The following RBMS2 variants were observed in gnomAD, a reference collection of about 807,000 sequenced individuals.
The protein encoded by RBMS2 is RNA-binding motif, single-stranded-interacting protein 2.
RBMS2 carries 38 observed loss-of-function variants against 58.4 expected under a neutral mutation model. The observed-to-expected ratio is 0.65, with a 90% confidence interval of 0.50 to 0.85. RBMS2 has a LOEUF of 0.85. RBMS2 is among the 40% of genes least tolerant of loss of function. The probability of loss-of-function intolerance (pLI) is 0.00; values close to 1 mark genes in which losing one functional copy is unlikely to be tolerated. For missense variants in RBMS2, 367 were observed against 503.7 expected, an observed-to-expected ratio of 0.73 and a Z score of 2.60; for synonymous variants, 151 against 180.7, an observed-to-expected ratio of 0.84 and a Z score of 1.32.
At chr12:56,566,149 G>T (rs1452288176) in intron 2 of RBMS2, among the ~76,000 whole-genome samples, 1 of 152,110 alleles carries the variant, frequency 6.6e-6, no homozygotes, top group African/African-American at 2.4e-5. Context: ...GCATTGCTTG[G>T]CTTATTCTGT....
chr12:56,531,274 C>T (rs540204911), intron 1 of RBMS2, among the ~76,000 whole-genome samples: 1 of 151,996 alleles, frequency 6.6e-6, no homozygotes, highest in Non-Finnish European at 1.5e-5. Flanking sequence ...CTAGTAGATA[C>T]TCAAAAAATA....
chr12:56,538,759 C>T (rs1052503527), intron 1 of RBMS2, among the ~76,000 whole-genome samples: 7 of 152,176 alleles, frequency 4.6e-5, no homozygotes, highest in Admixed American at 1.3e-4. Flanking sequence ...GGATTACAGG[C>T]GTGAGCCACC....
At chr12:56,575,684 C>T (rs1432471799) in intron 5 of RBMS2, among the ~76,000 whole-genome samples, 2 of 151,980 alleles carry the variant, frequency 1.3e-5, no homozygotes, top group Non-Finnish European at 2.9e-5. Context: ...CACCTGAGGT[C>T]GGGAGTTCGA....
chr12:56,541,719 C>T (rs1876124816), intron 1 of RBMS2, among the ~76,000 whole-genome samples: 1 of 152,184 alleles, frequency 6.6e-6, no homozygotes, highest in Admixed American at 6.6e-5. Context: ...TGCACTTCTT[C>T]GTGTGGGCAC....
Position 56,582,027 on chromosome 12 carries a change from G to A in RBMS2, c.780-32G>A, listed in dbSNP as rs747315457. On this transcript the variant is annotated intron_variant, in intron 8 of 13. Coordinates refer to ENST00000262031, the MANE Select transcript of RBMS2 (RefSeq NM_002898.4). ...GGACCCTTCCCTTGTGGTTTCCTGTGACTCAGTACTGATTGAGGTTCCTTC... is the reference window on the plus strand; with the variant it reads ...GGACCCTTCCCTTGTGGTTTCCTGTAACTCAGTACTGATTGAGGTTCCTTC... 5 of 1,571,554 alleles carry A rather than the reference G, an allele frequency of 3.2e-6. No homozygotes were observed. The African/African-American group carries it at 6.8e-5, about 21-fold the overall frequency.
At chr12:56,552,079 A>G (rs1555192014) in intron 1 of RBMS2, among the ~76,000 whole-genome samples, 1 of 152,150 alleles carries the variant, frequency 6.6e-6, no homozygotes, top group Non-Finnish European at 1.5e-5. Flanking sequence ...AGAGGAAGGC[A>G]TGAAAAGCCT....
At chr12:56,572,856 T>G (rs1882525196) in intron 5 of RBMS2, 9 of 983,796 alleles carry the variant, frequency 9.1e-6, no homozygotes, top group Non-Finnish European at 1.1e-5. Flanking sequence ...TGAGCCTTGG[T>G]TCACTCTCTG....
chr12:56,580,974 A>C (rs1883862965), intron 5 of RBMS2, among the ~76,000 whole-genome samples: 1 of 152,198 alleles, frequency 6.6e-6, no homozygotes. Context: ...TGAGGATCCC[A>C]TACAGGGACC....
intron 9 of RBMS2, among the ~76,000 whole-genome samples, chr12:56,582,850 A>G (rs914666401): frequency 1.1e-4 from 16 of 151,966 alleles, no homozygotes; most frequent in Admixed American, 2.6e-4. Flanking sequence ...TGTTTTTTTT[A>G]GTAGAGACGG....
intron 9 of RBMS2, among the ~76,000 whole-genome samples, chr12:56,582,588 G>A (rs1016808468): frequency 2.6e-5 from 4 of 152,180 alleles, no homozygotes; most frequent in Admixed American, 1.3e-4. Flanking sequence ...AGAATTTTTA[G>A]AAACAGAAAT....
At chr12:56,558,531 C>T (rs866805938) in intron 1 of RBMS2, among the ~76,000 whole-genome samples, 123 of 144,460 alleles carry the variant, frequency 8.5e-4, no homozygotes, top group Middle Eastern at 3.5e-3. Context: ...AAGTTGCTTT[C>T]TTTTTTTCCC....
At chr12:56,526,636 C>G (rs1592311531) in intron 1 of RBMS2, among the ~76,000 whole-genome samples, 1 of 114,018 alleles carries the variant, frequency 8.8e-6, no homozygotes, top group Admixed American at 9.4e-5. Context: ...TTTTAAACAT[C>G]AGTTTTAATG....
intron 1 of RBMS2, among the ~76,000 whole-genome samples, chr12:56,555,796 G>T (rs770602724): frequency 5.9e-5 from 9 of 151,896 alleles, no homozygotes; most frequent in Non-Finnish European, 1.2e-4. Context: ...TCACCATGTT[G>T]CCCAGGCTGG....
rs1592532719 is a variant in RBMS2 at position 56,594,348 on chromosome 12, G to A, written c.*5215G>A. The A allele has an allele frequency of 6.6e-6, 1 of 152,360 alleles. No homozygotes were observed. The highest frequency in any genetic ancestry group is 1.9e-4 in the East Asian group (1 of 5,178). The allele number at this position is 152,360 out of a possible 1,614,324, so 9.4% of individuals were successfully genotyped here. A position where few individuals can be genotyped will look rare whatever the true frequency, so the allele number is the denominator to read the frequency against. ...AGGGGCTTTGCATTCTTAGCCAAGGGCAATAAACTGGGTGGGTGATCTGGC... is the reference window on the plus strand; with the variant it reads ...AGGGGCTTTGCATTCTTAGCCAAGGACAATAAACTGGGTGGGTGATCTGGC... On this transcript the variant is annotated 3_prime_UTR_variant, in exon 14 of 14. Transcript: ENST00000262031.
At chr12:56,560,185 G>A (rs1007588524) in intron 1 of RBMS2, among the ~76,000 whole-genome samples, 5 of 151,332 alleles carry the variant, frequency 3.3e-5, no homozygotes, top group East Asian at 2.0e-4. Flanking sequence ...GTGAGCCACC[G>A]TACCCGGCCA....
At chr12:56,579,878 C>G (rs919476576) in intron 5 of RBMS2, among the ~76,000 whole-genome samples, 2 of 152,068 alleles carry the variant, frequency 1.3e-5, no homozygotes, top group Non-Finnish European at 2.9e-5. Context: ...TGGATGTTAT[C>G]TCTAAAGCAC....
At chr12:56,572,017 G>A (rs534338528) in intron 5 of RBMS2, among the ~76,000 whole-genome samples, 162 bp downstream of exon 5, 3 of 152,178 alleles carry the variant, frequency 2.0e-5, no homozygotes, top group South Asian at 4.2e-4. Context: ...GGCCAGGTGC[G>A]GTGGCTTACA....
chr12:56,585,995 C>A (rs1884612637), intron 9 of RBMS2, among the ~76,000 whole-genome samples: 1 of 151,968 alleles, frequency 6.6e-6, no homozygotes, highest in Non-Finnish European at 1.5e-5. Flanking sequence ...CTAGCCTGGG[C>A]AACATGGCGA....
chr12:56,581,922 C>T (rs747486530), intron 8 of RBMS2, 43 bp downstream of exon 8: 1 of 1,600,624 alleles, frequency 6.2e-7, no homozygotes, highest in Non-Finnish European at 8.6e-7. Flanking sequence ...TGATAATGGC[C>T]TGTGTCCAGA....
Sources: gnomAD v4.1 joint callset for allele counts (sites outside exome capture counted in the v4.1 genomes callset) on GRCh38, gnomAD v4.1.1 for gene constraint, MANE v1.5 for transcripts, NCBI Gene and HGNC (gene_info 2026-07-23, HGNC 2026-07-21) for gene names.